RHCE: variants seen among roughly 807,000 people sequenced by gnomAD.
The protein encoded by RHCE is blood group Rh(CE) polypeptide.
RHCE carries 22 observed loss-of-function variants against 43.8 expected under a neutral mutation model. That is an observed-to-expected ratio of 0.50 (90% CI 0.36 to 0.72). RHCE has a LOEUF of 0.72. Among genes scored for constraint, RHCE ranks in the 30% least tolerant of loss-of-function variants. The probability of loss-of-function intolerance (pLI) is 0.00; values close to 1 mark genes in which losing one functional copy is unlikely to be tolerated. For synonymous variants in RHCE, 156 were observed against 210.7 expected, an observed-to-expected ratio of 0.74 and a Z score of 2.25; for missense variants, 385 against 525.4, an observed-to-expected ratio of 0.73 and a Z score of 2.61.
exon 1 of RHCE, chr1:25,430,126 G>GGCCCACAGCGCT (rs1557653032): frequency 6.6e-6 from 1 of 151,896 alleles, no homozygotes; most frequent in Admixed American, 6.6e-5. Context: ...GCGCCCGCGG[G>GGCCCACAGCGCT]GCCCACAGCG....
At position 25,402,760 on chromosome 1, in the gene RHCE, G is replaced by A. The variant is rs1389698145; in HGVS notation, c.336-14C>T. 1.4e-5 allele frequency: 22 copies of A among 1,614,004 alleles called. No individual in the cohort carries two copies. Among genetic ancestry groups the A allele is most frequent in the Non-Finnish European group, 1.9e-5 (22 of 1,180,006 alleles). The stretch of plus-strand genomic sequence containing the variant: ...GCCAGCCGAATACTGGGGGTGAGAA[G>A]GAGAGCCAGGATGACTGAGAAGGAA... On this transcript the variant is annotated splice_polypyrimidine_tract_variant and intron_variant, in intron 2 of 9. Transcript: ENST00000294413.
intron 9 of RHCE, 118 bp from the exon 10 acceptor site, chr1:25,362,671 T>C: frequency 1.6e-6 from 1 of 636,198 alleles, no homozygotes. Context: ...TTTCATAAAA[T>C]CTGAATTGGA....
At chr1:25,411,313 A>G in intron 1 of RHCE, 5 of 1,550,214 alleles carry the variant, frequency 3.2e-6, no homozygotes, top group Non-Finnish European at 4.4e-6. Flanking sequence ...CAACATCATC[A>G]TGACAATCAC....
intron 7 of RHCE, among the ~76,000 whole-genome samples, chr1:25,383,898 A>T (rs1646071845): frequency 6.6e-6 from 1 of 152,212 alleles, no homozygotes. Context: ...TGCAAGTGCT[A>T]CCAATCAAGG....
At chr1:25,428,351 C>T (rs763092990) in intron 2 of RHCE, among the ~76,000 whole-genome samples, 11 of 152,216 alleles carry the variant, frequency 7.2e-5, no homozygotes, top group Admixed American at 6.5e-5. Context: ...TTTAAGCTTC[C>T]ATTTTGATTT....
chr1:25,387,933 A>C (rs568739442), intron 6 of RHCE, among the ~76,000 whole-genome samples: 1 of 151,906 alleles, frequency 6.6e-6, no homozygotes, highest in Admixed American at 6.6e-5. Context: ...TGATTCTCGC[A>C]TCTCAGCCTC....
At chr1:25,390,112 G>T (rs622708) in intron 5 of RHCE, among the ~76,000 whole-genome samples, 25 of 150,170 alleles carry the variant, frequency 1.7e-4, no homozygotes, top group South Asian at 4.2e-4. Flanking sequence ...TGGACCCCCT[G>T]CCCCCATCAT....
chr1:25,415,859 C>T (rs607722), intron 1 of RHCE, among the ~76,000 whole-genome samples: 151,173 of 151,594 alleles, frequency 1, 75,378 homozygotes, highest in Middle Eastern at 1. Context: ...CGAACTTTCA[C>T]GCACAGAAGA....
At chr1:25,413,034 A>T (rs1273269640) in intron 1 of RHCE, among the ~76,000 whole-genome samples, 3 of 150,324 alleles carry the variant, frequency 2.0e-5, no homozygotes, top group Non-Finnish European at 2.9e-5. Context: ...AAAAAAAAAG[A>T]GAGATGAGGA....
chr1:25,399,920 T>C (rs1355797911), intron 3 of RHCE, among the ~76,000 whole-genome samples: 3 of 152,162 alleles, frequency 2.0e-5, no homozygotes, highest in Admixed American at 6.5e-5. Context: ...AAGTAATAAA[T>C]TGTTATTTTC....
intron 3 of RHCE, among the ~76,000 whole-genome samples, chr1:25,393,981 T>TC (rs1646461606): frequency 6.6e-6 from 1 of 152,098 alleles, no homozygotes; most frequent in Admixed American, 6.5e-5. Context: ...CTGCTTTTTA[T>TC]TTTTATTTAT....
chr1:25,412,821 T>C (rs1038082421), intron 1 of RHCE, among the ~76,000 whole-genome samples: 2 of 151,058 alleles, frequency 1.3e-5, no homozygotes, highest in Admixed American at 6.6e-5. Context: ...AGTCAGGAGT[T>C]TGAGACCAGC....
rs576244724 is a variant in RHCE at position 25,416,792 on chromosome 1, GTTT to G, written c.148+3844_148+3846del. On this transcript the variant is annotated intron_variant, in intron 1 of 9. Coordinates refer to ENST00000294413, the MANE Select transcript of RHCE (RefSeq NM_020485.8). ...CCACCACACTGGGTTAAATTTTACA[GTTT>G]TTTTTTTTTTTTTTTAGAGATGGCG... is the stretch of plus-strand genomic sequence containing the variant. Among the ~76,000 whole-genome samples the G allele has an allele frequency of 3.5e-3, 344 of 99,598 alleles. 3 individuals carry two copies. Among genetic ancestry groups the G allele is most frequent in the East Asian group, 0.022 (81 of 3,600 alleles). 65.3% of individuals were successfully genotyped at this position (99,598 alleles called of 152,430 possible).
chr1:25,374,086 G>A (rs1645706355), intron 8 of RHCE, among the ~76,000 whole-genome samples: 1 of 150,982 alleles, frequency 6.6e-6, no homozygotes, highest in African/African-American at 2.5e-5. Context: ...CTCCCAAAGT[G>A]CTGGGATTAC....
At chr1:25,423,996 C>T (rs1200874111), upstream of RHCE, among the ~76,000 whole-genome samples, 3 of 152,264 alleles carry the variant, frequency 2.0e-5, no homozygotes, top group East Asian at 1.9e-4. Context: ...TATGATGGCG[C>T]GAAAGCAACA....
upstream of RHCE, among the ~76,000 whole-genome samples, chr1:25,423,454 G>A (rs2042782748): frequency 6.6e-6 from 1 of 152,208 alleles, no homozygotes; most frequent in Admixed American, 6.5e-5. Context: ...GTGGTGGTTG[G>A]TTCCAAGGCA....
chr1:25,383,339 A>C (rs1646056320), intron 7 of RHCE, among the ~76,000 whole-genome samples: 1 of 152,210 alleles, frequency 6.6e-6, no homozygotes. Flanking sequence ...TGACTTGCCC[A>C]ATGCCACCAA....
intron 3 of RHCE, among the ~76,000 whole-genome samples, chr1:25,395,338 G>C (rs1184480896): frequency 6.6e-6 from 1 of 151,250 alleles, no homozygotes; most frequent in Non-Finnish European, 1.5e-5. Flanking sequence ...GAGGTGGATG[G>C]GTGGGTGGAG....
In RHCE at chr1:25,406,463, C is replaced by T. The variant is rs1003246728; in HGVS notation, c.335+2220G>A. Among the ~76,000 whole-genome samples the T allele has an allele frequency of 4.2e-5, 5 of 118,298 alleles. 1 individual carries two copies. Among genetic ancestry groups the T allele is most frequent in the African/African-American group, 1.3e-4 (5 of 38,618 alleles). The allele number at this position is 118,298 out of a possible 152,430, so 77.6% of individuals were successfully genotyped here. A position where few individuals can be genotyped will look rare whatever the true frequency, so the allele number is the denominator to read the frequency against. ...AAGTAGCTGGGATTACAGGTGCCTG[C>T]CACAATGCCCAGCTAATTTTTGTGT... is the stretch of plus-strand genomic sequence containing the variant. On this transcript the variant is annotated intron_variant, in intron 2 of 9. Transcript: ENST00000294413.
Sources: allele counts gnomAD v4.1 joint callset (sites outside exome capture counted in the v4.1 genomes callset), GRCh38; gene constraint gnomAD v4.1.1; transcripts MANE v1.5; gene names NCBI Gene and HGNC (gene_info 2026-07-23, HGNC 2026-07-21).